The following GRIK2 variants were observed in gnomAD, a reference collection of about 807,000 sequenced individuals.
GRIK2 encodes glutamate receptor ionotropic, kainate 2.
GRIK2 carries 32 observed loss-of-function variants against 100.3 expected under a neutral mutation model. The observed-to-expected ratio is 0.32, with a 90% CI of 0.24 to 0.43. GRIK2 has a LOEUF of 0.43. Ranked by LOEUF, GRIK2 falls within the 20% of genes least tolerant of loss-of-function variation. The pLI is 1.00. For missense variants in GRIK2, 843 were observed against 1,114.9 expected (o/e 0.76, Z 3.47); for synonymous variants, 417 against 389.4 (o/e 1.07, Z -0.83).
At chr6:101,557,947 A>G (rs973003774) in intron 2 of GRIK2, among the ~76,000 whole-genome samples, 4 of 152,110 alleles carry the variant, frequency 2.6e-5, no homozygotes, top group African/African-American at 9.7e-5. Flanking sequence ...GAACTGCAGG[A>G]AACTTTTGGT....
chr6:101,957,014 A>G (rs574832236), intron 14 of GRIK2, among the ~76,000 whole-genome samples: 64 of 151,846 alleles, frequency 4.2e-4, no homozygotes, highest in Non-Finnish European at 6.9e-4. Context: ...TATACCCAGT[A>G]GTGTGACTGT....
chr6:101,710,448 C>T (rs536880788), intron 7 of GRIK2, among the ~76,000 whole-genome samples: 1 of 151,980 alleles, frequency 6.6e-6, no homozygotes, highest in Non-Finnish European at 1.5e-5. Flanking sequence ...TTGGAAACAT[C>T]TAGCGTTAAA....
chr6:101,628,907 A>G (rs1780581842), intron 4 of GRIK2, among the ~76,000 whole-genome samples: 1 of 152,118 alleles, frequency 6.6e-6, no homozygotes, highest in Admixed American at 6.6e-5. Context: ...AACTTTATTC[A>G]CAATCCTACG....
intron 7 of GRIK2, among the ~76,000 whole-genome samples, chr6:101,732,486 T>C (rs1334906079): frequency 6.6e-6 from 1 of 152,130 alleles, no homozygotes; most frequent in African/African-American, 2.4e-5. Flanking sequence ...CAAAGCAATA[T>C]ATATCTTTAT....
chr6:101,852,777 G>T (rs535961076), intron 10 of GRIK2, among the ~76,000 whole-genome samples: 4 of 152,106 alleles, frequency 2.6e-5, no homozygotes, highest in Non-Finnish European at 4.4e-5. Context: ...TCACCACAGG[G>T]CTTCTTCCCT....
intron 7 of GRIK2, among the ~76,000 whole-genome samples, chr6:101,704,681 C>G (rs1341618374): frequency 4.0e-5 from 6 of 151,148 alleles, no homozygotes; most frequent in Non-Finnish European, 7.4e-5. Flanking sequence ...TCCCCACCCC[C>G]CGAAAAAAAC....
intron 7 of GRIK2, among the ~76,000 whole-genome samples, chr6:101,782,555 C>G (rs1426913761): frequency 6.6e-6 from 1 of 152,150 alleles, no homozygotes; most frequent in African/African-American, 2.4e-5. Flanking sequence ...TTTTCATGGT[C>G]AAATGATGTT....
intron 7 of GRIK2, among the ~76,000 whole-genome samples, chr6:101,757,947 A>G (rs944821413): frequency 2.0e-5 from 3 of 152,200 alleles, no homozygotes; most frequent in East Asian, 1.9e-4. Context: ...AATAATCACA[A>G]CTGGGTGCAA....
chr6:101,807,756 G>T (rs1781095310), intron 9 of GRIK2, among the ~76,000 whole-genome samples: 1 of 151,916 alleles, frequency 6.6e-6, no homozygotes, highest in Non-Finnish European at 1.5e-5. Flanking sequence ...GATGAATCCT[G>T]ATTGTTTTGG....
At chr6:101,698,270 T>C (rs1366841954) in intron 7 of GRIK2, among the ~76,000 whole-genome samples, 3 of 152,174 alleles carry the variant, frequency 2.0e-5, no homozygotes, top group South Asian at 4.1e-4. Context: ...GCCTAAGAAA[T>C]GGTCAAGAAT....
At chr6:101,586,196 T>G (rs9498633) in intron 2 of GRIK2, among the ~76,000 whole-genome samples, 37,011 of 151,390 alleles carry the variant, frequency 0.24, 4,704 homozygotes, top group African/African-American at 0.32. Context: ...AACGCCTGCA[T>G]AAAGCCAAAA....
Position 102,068,781 on chromosome 6 carries a change from G to A in GRIK2, c.*270G>A, listed in dbSNP as rs552893080. The A allele has an allele frequency of 2.3e-5, 6 of 255,984 alleles. No homozygotes were observed. 15.9% of individuals were successfully genotyped at this position (255,984 alleles called of 1,614,324 possible). Reference sequence around the variant, plus strand: ...GTGAATGTTAACATGCGCATTTTGTGGCTGATTTCAAATGCAGTCCAGTGA... The same window carrying A: ...GTGAATGTTAACATGCGCATTTTGTAGCTGATTTCAAATGCAGTCCAGTGA... On this transcript the variant is annotated 3_prime_UTR_variant, in exon 17 of 17. Transcript: ENST00000369134.
At chr6:101,924,374 T>C (rs1789751187) in intron 12 of GRIK2, among the ~76,000 whole-genome samples, 1 of 152,170 alleles carries the variant, frequency 6.6e-6, no homozygotes. Context: ...TAACAAATAA[T>C]GTATAGTAAG....
intron 2 of GRIK2, among the ~76,000 whole-genome samples, chr6:101,461,147 A>G (rs1048967801): frequency 1.3e-5 from 2 of 152,278 alleles, no homozygotes; most frequent in Admixed American, 6.5e-5. Context: ...ACATTTACAA[A>G]TGTTGCTTCT....
At chr6:101,719,278 A>G (rs903616497) in intron 7 of GRIK2, among the ~76,000 whole-genome samples, 3 of 150,874 alleles carry the variant, frequency 2.0e-5, no homozygotes, top group Non-Finnish European at 4.4e-5. Flanking sequence ...CATTTTCTGC[A>G]GGCCCATTGG....
chr6:101,683,761 G>T (rs187235471), intron 6 of GRIK2, among the ~76,000 whole-genome samples: 1 of 152,188 alleles, frequency 6.6e-6, no homozygotes, highest in Admixed American at 6.5e-5. Context: ...TGTGCCATTA[G>T]ATAATTTCGA....
At chr6:101,746,893 A>G (rs560862968) in intron 7 of GRIK2, among the ~76,000 whole-genome samples, 4 of 152,142 alleles carry the variant, frequency 2.6e-5, no homozygotes, top group Non-Finnish European at 5.9e-5. Context: ...TTTCTGTAAT[A>G]TGGTTGTGTT....
chr6:101,393,708 A>G lies in GRIK2; in HGVS notation c.-423A>G, dbSNP rs1774889390. Among the ~76,000 whole-genome samples, 1 of 151,914 alleles carries G rather than the reference A, an allele frequency of 6.6e-6. No individual in the cohort carries two copies. The highest frequency in any genetic ancestry group is 1.5e-5 in the Non-Finnish European group (1 of 67,966). On this transcript the variant is annotated 5_prime_UTR_variant, in exon 1 of 17. Coordinates refer to ENST00000369134, the MANE Select transcript of GRIK2 (RefSeq NM_021956.5). The stretch of plus-strand genomic sequence containing the variant: ...GGTCACCGTCTTCGCCGCTGCCGTC[A>G]CTCGCGCTCGGCGCCGGCGGCTGCG...
intron 3 of GRIK2, among the ~76,000 whole-genome samples, chr6:101,625,644 T>C (rs1379044636): frequency 6.6e-6 from 1 of 152,146 alleles, no homozygotes; most frequent in Non-Finnish European, 1.5e-5. Flanking sequence ...TTAATCTGAA[T>C]ACCCTCTAGT....
Sources: allele counts gnomAD v4.1 joint callset (sites outside exome capture counted in the v4.1 genomes callset), GRCh38; gene constraint gnomAD v4.1.1; transcripts MANE v1.5; gene names NCBI Gene and HGNC (gene_info 2026-07-23, HGNC 2026-07-21).